The following GLDC variants were observed in gnomAD, a reference collection of about 807,000 sequenced individuals.
GLDC encodes glycine decarboxylase, also known as glycine dehydrogenase (decarboxylating), mitochondrial.
A neutral mutation model predicts 121.3 loss-of-function variants in GLDC; 104 were observed. The ratio of observed to expected loss-of-function variants is 0.86; its 90% CI spans 0.73 to 1.01. The LOEUF (loss-of-function observed/expected upper bound fraction) is 1.01. Among genes scored for constraint, GLDC ranks in the 50% least tolerant of loss-of-function variants. The probability of loss-of-function intolerance (pLI) is 0.00; values close to 1 mark genes in which losing one functional copy is unlikely to be tolerated. For missense variants in GLDC, 1,429 were observed against 1,306.6 expected, an observed-to-expected ratio of 1.09 and a Z score of -1.44; for synonymous variants, 546 against 480.6, an observed-to-expected ratio of 1.14 and a Z score of -1.78.
chr9:6,637,978 T>C (rs924182769), intron 2 of GLDC, among the ~76,000 whole-genome samples: 1 of 151,772 alleles, frequency 6.6e-6, no homozygotes, highest in Non-Finnish European at 1.5e-5. Flanking sequence ...TGTCAGCCTG[T>C]AATCTCATCA....
intron 15 of GLDC, among the ~76,000 whole-genome samples, chr9:6,584,065 G>A (rs1818219976): frequency 6.6e-6 from 1 of 152,184 alleles, no homozygotes; most frequent in African/African-American, 2.4e-5. Context: ...AAATACTTTA[G>A]AGTTGTGAAA....
chr9:6,575,024 A>T (rs1038423801), intron 15 of GLDC, among the ~76,000 whole-genome samples: 7 of 151,498 alleles, frequency 4.6e-5, no homozygotes, highest in Non-Finnish European at 7.4e-5. Flanking sequence ...AGAATTAGAG[A>T]GTTTTTTGCT....
chr9:6,572,499 A>G (rs1817986772), intron 15 of GLDC, among the ~76,000 whole-genome samples: 1 of 152,170 alleles, frequency 6.6e-6, no homozygotes, highest in South Asian at 2.1e-4. Context: ...TGGGAGAGAC[A>G]CGGTCCTACA....
At chr9:6,612,129 G>C (rs1256071060) in intron 3 of GLDC, among the ~76,000 whole-genome samples, 4 of 151,784 alleles carry the variant, frequency 2.6e-5, no homozygotes, top group Admixed American at 6.6e-5. Flanking sequence ...CTAATTTACA[G>C]TTGCTAAGCC....
intron 2 of GLDC, among the ~76,000 whole-genome samples, chr9:6,624,139 G>T (rs1417901781): frequency 3.3e-5 from 5 of 152,180 alleles, no homozygotes; most frequent in Non-Finnish European, 7.3e-5. Flanking sequence ...CCCGGCCCAG[G>T]GAGATACAGT....
intron 15 of GLDC, among the ~76,000 whole-genome samples, chr9:6,583,164 C>A (rs761610495): frequency 5.3e-5 from 8 of 152,062 alleles, no homozygotes; most frequent in Non-Finnish European, 1.0e-4. Context: ...GGCGATTCCT[C>A]AAAAAATTAA....
intron 15 of GLDC, among the ~76,000 whole-genome samples, chr9:6,566,160 T>G (rs1038967487): frequency 2.6e-5 from 4 of 152,190 alleles, no homozygotes; most frequent in Non-Finnish European, 5.9e-5. Context: ...GAAGGATCAC[T>G]GGAGTCTGTG....
At chr9:6,537,267 TCTCTG>T (rs1221793982) in intron 22 of GLDC, among the ~76,000 whole-genome samples, 1 of 152,114 alleles carries the variant, frequency 6.6e-6, no homozygotes, top group Non-Finnish European at 1.5e-5. Context: ...GATCTGCCTG[TCTCTG>T]CCTCCCAATA....
At chr9:6,625,771 C>T (rs942735317) in intron 2 of GLDC, among the ~76,000 whole-genome samples, 1 of 151,764 alleles carries the variant, frequency 6.6e-6, no homozygotes, top group African/African-American at 2.4e-5. Flanking sequence ...TATGTTCATT[C>T]CCACTGATAG....
chr9:6,541,174 C>A (rs199832305), intron 21 of GLDC: 1 of 152,184 alleles, frequency 6.6e-6, no homozygotes, highest in Non-Finnish European at 1.5e-5. Context: ...AAACAGGCTT[C>A]TTCTCTAGGT....
At chr9:6,534,855 C>G in intron 23 of GLDC, 67 bp from the exon 24 acceptor site, 1 of 833,966 alleles carries the variant, frequency 1.2e-6, no homozygotes, top group Non-Finnish European at 2.1e-6. Context: ...TACCCTGCAC[C>G]TCAACCGTCA....
intron 8 of GLDC, among the ~76,000 whole-genome samples, chr9:6,598,320 C>T (rs576507876): frequency 1.1e-3 from 164 of 152,212 alleles, no homozygotes; most frequent in African/African-American, 3.8e-3. Context: ...TGTGAGCCAC[C>T]GCACCCTGTT....
At chr9:6,571,805 G>A (rs1204646691) in intron 15 of GLDC, among the ~76,000 whole-genome samples, 2 of 151,968 alleles carry the variant, frequency 1.3e-5, no homozygotes, top group Non-Finnish European at 2.9e-5. Flanking sequence ...AAATAAGTGG[G>A]GACTATCATA....
intron 3 of GLDC, among the ~76,000 whole-genome samples, chr9:6,613,350 G>C (rs1025126180): frequency 2.0e-5 from 3 of 152,150 alleles, no homozygotes; most frequent in Admixed American, 1.3e-4. Context: ...GTACTGGCCA[G>C]GCGTGGAGGC....
At chr9:6,540,291 T>C (rs777944167) in intron 21 of GLDC, 145 bp from the exon 22 acceptor site, 2 of 682,360 alleles carry the variant, frequency 2.9e-6, no homozygotes, top group Non-Finnish European at 5.3e-6. Flanking sequence ...CGGGTAAGTT[T>C]ATTATTGGCA....
chr9:6,551,311 T>G (rs1817509797), intron 20 of GLDC, among the ~76,000 whole-genome samples: 1 of 152,188 alleles, frequency 6.6e-6, no homozygotes, highest in African/African-American at 2.4e-5. Flanking sequence ...TCTGGGCCAA[T>G]ATCTCCACGG....
chr9:6,533,588 G>T (rs1817046352), intron 24 of GLDC, among the ~76,000 whole-genome samples: 1 of 151,966 alleles, frequency 6.6e-6, no homozygotes, highest in African/African-American at 2.4e-5. Context: ...GCTGGGCGCA[G>T]TGGCTCGTGC....
At chr9:6,536,043 A>G in intron 23 of GLDC, 21 bp downstream of exon 23, 1 of 1,603,978 alleles carries the variant, frequency 6.2e-7, no homozygotes. Flanking sequence ...CATTTCAAGC[A>G]ATGTTCCAGG....
intron 2 of GLDC, among the ~76,000 whole-genome samples, chr9:6,629,662 C>T (rs1454438151): frequency 6.6e-6 from 1 of 151,648 alleles, no homozygotes; most frequent in African/African-American, 2.4e-5. Flanking sequence ...ACCCATTACC[C>T]CAAACATAAC....
Sources: allele counts gnomAD v4.1 joint callset (sites outside exome capture counted in the v4.1 genomes callset), GRCh38; gene constraint gnomAD v4.1.1; transcripts MANE v1.5; gene names NCBI Gene and HGNC (gene_info 2026-07-23, HGNC 2026-07-21).